SMIM13: variants seen among roughly 807,000 people sequenced by gnomAD.
SMIM13 encodes UPF0766 protein C6orf228.
Under a neutral mutation model 5.9 loss-of-function variants are expected in SMIM13, and 3 were observed. The observed-to-expected ratio is 0.51, with a 90% confidence interval of 0.23 to 1.31. The LOEUF (loss-of-function observed/expected upper bound fraction) is 1.31. Ranked by LOEUF, SMIM13 falls within the 40% of genes most tolerant of loss-of-function variation. The pLI is 0.18. For missense variants in SMIM13, 85 were observed against 109.9 expected, an observed-to-expected ratio of 0.77 and a Z score of 1.01; for synonymous variants, 55 against 46.0, an observed-to-expected ratio of 1.19 and a Z score of -0.79.
chr6:11,103,932 G>C, intron 1 of SMIM13: 1 of 1,551,680 alleles, frequency 6.4e-7, no homozygotes, highest in Non-Finnish European at 8.7e-7. Flanking sequence ...CCGTAAACTG[G>C]AGGCTTGATT....
chr6:11,108,316 C>G (rs897329898), intron 1 of SMIM13, among the ~76,000 whole-genome samples: 17 of 152,192 alleles, frequency 1.1e-4, no homozygotes, highest in Non-Finnish European at 2.1e-4. Context: ...CTGGGCACAT[C>G]CAAGGCAGCC....
At chr6:11,117,165 A>ATTTTTTTTTTTTTTTTTTT (rs34579750) in intron 1 of SMIM13, among the ~76,000 whole-genome samples, 1 of 69,010 alleles carries the variant, frequency 1.4e-5, no homozygotes, top group African/African-American at 5.4e-5. Flanking sequence ...TAATTTTTGT[A>ATTTTTTTTTTTTTTTTTTT]TTTTTTTTTT....
At chr6:11,105,428 T>C (rs1758071426) in intron 1 of SMIM13, 1 of 718,772 alleles carries the variant, frequency 1.4e-6, no homozygotes, top group East Asian at 2.7e-5. Context: ...TTTCTAGTAT[T>C]GGGATCACCT....
intron 1 of SMIM13, among the ~76,000 whole-genome samples, chr6:11,097,186 A>G (rs1207705336): frequency 6.6e-6 from 1 of 152,192 alleles, no homozygotes; most frequent in East Asian, 1.9e-4. Flanking sequence ...GTCAGAGATC[A>G]GCAGGGTTGA....
chr6:11,118,091 G>A (rs981110063), intron 1 of SMIM13, among the ~76,000 whole-genome samples: 11 of 152,154 alleles, frequency 7.2e-5, no homozygotes, highest in Non-Finnish European at 1.0e-4. Flanking sequence ...GGCTGGTCTC[G>A]AACTCCTGAC....
At chr6:11,122,265 T>G (rs57124162) in intron 1 of SMIM13, among the ~76,000 whole-genome samples, 1 of 152,226 alleles carries the variant, frequency 6.6e-6, no homozygotes, top group African/African-American at 2.4e-5. Context: ...ATTTTGAAGT[T>G]CGAATGATCC....
chr6:11,112,762 A>G (rs969564950), intron 1 of SMIM13, among the ~76,000 whole-genome samples: 1 of 152,156 alleles, frequency 6.6e-6, no homozygotes, highest in East Asian at 1.9e-4. Context: ...TCATTGATGG[A>G]CATGAGAGTG....
chr6:11,095,412 C>T (rs1201072410), intron 1 of SMIM13, among the ~76,000 whole-genome samples: 1 of 152,222 alleles, frequency 6.6e-6, no homozygotes, highest in Non-Finnish European at 1.5e-5. Context: ...GTGGCCTGAT[C>T]TTGGCCCACT....
chr6:11,103,923 C>A, intron 1 of SMIM13: 1 of 1,551,648 alleles, frequency 6.4e-7, no homozygotes. Flanking sequence ...GGCTCGTTCC[C>A]GTAAACTGGA....
At chr6:11,109,155 C>T (rs896048900) in intron 1 of SMIM13, among the ~76,000 whole-genome samples, 7 of 152,258 alleles carry the variant, frequency 4.6e-5, no homozygotes, top group African/African-American at 1.7e-4. Context: ...AATGGAGTCA[C>T]ATTCTCCCTT....
chr6:11,097,891 T>TC (rs967087255), intron 1 of SMIM13, among the ~76,000 whole-genome samples: 45 of 152,234 alleles, frequency 3.0e-4, no homozygotes, highest in Middle Eastern at 6.8e-3. Flanking sequence ...TGTGAACCTT[T>TC]CTTTTTTTTT....
At chr6:11,125,112 T>A (rs1758361003) in intron 1 of SMIM13, among the ~76,000 whole-genome samples, 1 of 150,802 alleles carries the variant, frequency 6.6e-6, no homozygotes, top group Non-Finnish European at 1.5e-5. Flanking sequence ...ACCCCATCTC[T>A]ACTAAAAATA....
chr6:11,115,967 G>A (rs992015353), intron 1 of SMIM13, among the ~76,000 whole-genome samples: 10 of 147,730 alleles, frequency 6.8e-5, no homozygotes, highest in African/African-American at 2.2e-4. Flanking sequence ...GATTACGGGC[G>A]TGAGCCACCA....
At chr6:11,107,040 TC>T (rs1036429280) in intron 1 of SMIM13, among the ~76,000 whole-genome samples, 1 of 152,188 alleles carries the variant, frequency 6.6e-6, no homozygotes, top group Non-Finnish European at 1.5e-5. Context: ...AGCTTTAACC[TC>T]TGTAATTTGT....
In SMIM13 at chr6:11,138,524, T is replaced by C. The variant is rs1039568119; in HGVS notation, c.*3922T>C. ...CTATGATGCATTGCCATCTTGCTGC[T>C]TGACAATAGGTTTATAAATAATTAG... On this transcript the variant is annotated 3_prime_UTR_variant, in exon 2 of 2. Coordinates refer to ENST00000416247, the MANE Select transcript of SMIM13 (RefSeq NM_001135575.2). 2 of 152,036 alleles carry C rather than the reference T, an allele frequency of 1.3e-5. No homozygotes were observed. Among genetic ancestry groups the C allele is most frequent in the Non-Finnish European group, 2.9e-5 (2 of 67,990 alleles). 9.4% of individuals were successfully genotyped at this position (152,036 alleles called of 1,614,324 possible).
intron 1 of SMIM13, among the ~76,000 whole-genome samples, chr6:11,129,088 A>T (rs1486075520): frequency 3.8e-5 from 5 of 132,722 alleles, no homozygotes; most frequent in Admixed American, 1.6e-4. Context: ...CGGGGGGGGG[A>T]TGATCACTGG....
At chr6:11,117,165 A>ATTTTTTTTTTTTTTTTTTTTTTTTTTTTT (rs34579750) in intron 1 of SMIM13, among the ~76,000 whole-genome samples, 1 of 69,032 alleles carries the variant, frequency 1.4e-5, no homozygotes, top group African/African-American at 5.4e-5. Context: ...TAATTTTTGT[A>ATTTTTTTTTTTTTTTTTTTTTTTTTTTTT]TTTTTTTTTT....
At chr6:11,103,638 C>CG in intron 1 of SMIM13, 1 of 1,482,610 alleles carries the variant, frequency 6.7e-7, no homozygotes, top group Middle Eastern at 1.8e-4. Flanking sequence ...CCACGGGAGA[C>CG]GGGGCAGGAT....
intron 1 of SMIM13, among the ~76,000 whole-genome samples, chr6:11,097,625 A>T (rs958525371): frequency 1.3e-5 from 2 of 151,530 alleles, no homozygotes; most frequent in South Asian, 4.2e-4. Context: ...CCGACATTGC[A>T]CCATAGCACT....
Sources: allele counts gnomAD v4.1 joint callset (sites outside exome capture counted in the v4.1 genomes callset), GRCh38; gene constraint gnomAD v4.1.1; transcripts MANE v1.5; gene names NCBI Gene and HGNC (gene_info 2026-07-23, HGNC 2026-07-21).